The following LRRC38 variants were observed in gnomAD, a reference collection of about 807,000 sequenced individuals.
The protein encoded by LRRC38 is leucine rich repeat containing 38.
A neutral mutation model predicts 16.4 loss-of-function variants in LRRC38; 5 were observed. The observed-to-expected ratio is 0.31, with a 90% CI of 0.16 to 0.64. The LOEUF is 0.64. LRRC38 is among the 30% of genes least tolerant of loss of function. LRRC38 has a pLI of 0.80. For missense variants in LRRC38, 341 were observed against 401.8 expected (o/e 0.85, Z 1.29); for synonymous variants, 191 against 190.2 (o/e 1.00, Z -0.04).
intron 1 of LRRC38, among the ~76,000 whole-genome samples, chr1:13,509,330 T>C (rs938661759): frequency 6.6e-6 from 1 of 152,126 alleles, no homozygotes; most frequent in Admixed American, 6.6e-5. Context: ...GCCTCCCACC[T>C]TGACAGCTGC....
At chr1:13,497,655 T>C (rs1476011592) in intron 1 of LRRC38, among the ~76,000 whole-genome samples, 1 of 151,944 alleles carries the variant, frequency 6.6e-6, no homozygotes, top group Non-Finnish European at 1.5e-5. Flanking sequence ...TAGCTCATGA[T>C]TAATTTTTCC....
rs563051279 is a variant in LRRC38 at position 13,482,332 on chromosome 1, T to C, written c.632-6233A>G. On this transcript the variant is annotated intron_variant, in intron 1 of 1. Coordinates refer to ENST00000376085, the MANE Select transcript of LRRC38 (RefSeq NM_001010847.2). The stretch of plus-strand genomic sequence containing the variant: ...TGGCTCACACCTGTAACCCCAGCAC[T>C]TTGGGAGGCTGAGGCGGGTGGATCG... Among the ~76,000 whole-genome samples, 135 of 152,054 alleles carry C rather than the reference T, an allele frequency of 8.9e-4. 1 individual carries two copies. Among genetic ancestry groups the C allele is most frequent in the African/African-American group, 3.2e-3 (131 of 41,446 alleles).
At chr1:13,481,788 C>CCTCTCTCTCTCTCTCT (rs1198744392) in intron 1 of LRRC38, among the ~76,000 whole-genome samples, 5 of 34,462 alleles carry the variant, frequency 1.5e-4, no homozygotes, top group Non-Finnish European at 2.6e-4. Context: ...TCCCTCTCTC[C>CCTCTCTCTCTCTCTCT]CTCTCTCTCT....
chr1:13,510,703 C>T (rs975475763), intron 1 of LRRC38, among the ~76,000 whole-genome samples: 1 of 152,056 alleles, frequency 6.6e-6, no homozygotes. Context: ...TACCACACGC[C>T]AAGCAAGACG....
chr1:13,477,363 A>C (rs1638801816), intron 1 of LRRC38, among the ~76,000 whole-genome samples: 1 of 152,218 alleles, frequency 6.6e-6, no homozygotes, highest in African/African-American at 2.4e-5. Context: ...CATTTTAGAC[A>C]ATAAATGAAT....
chr1:13,503,044 C>T (rs1012133761), intron 1 of LRRC38, among the ~76,000 whole-genome samples: 2 of 152,144 alleles, frequency 1.3e-5, no homozygotes, highest in Non-Finnish European at 2.9e-5. Flanking sequence ...GGTGGTGGGA[C>T]ATTTGCCACA....
intron 1 of LRRC38, among the ~76,000 whole-genome samples, chr1:13,488,032 T>TTGTG (rs71570140): frequency 0.056 from 8,304 of 147,142 alleles, 751 homozygotes; most frequent in African/African-American, 0.19. Flanking sequence ...TTGTGTGTGT[T>TTGTG]TGTGTGTGTG....
At chr1:13,508,233 T>C (rs566832308) in intron 1 of LRRC38, among the ~76,000 whole-genome samples, 1 of 152,246 alleles carries the variant, frequency 6.6e-6, no homozygotes, top group East Asian at 1.9e-4. Flanking sequence ...CAAGACCCCA[T>C]CTCAAAACAA....
intron 1 of LRRC38, among the ~76,000 whole-genome samples, chr1:13,505,936 C>CCGTCTGGACTGTGGGAGGGAGCT (rs1553121256): frequency 2.0e-5 from 3 of 149,120 alleles, no homozygotes; most frequent in African/African-American, 7.5e-5. Context: ...AAGGAGGGGC[C>CCGTCTGGACTGTGGGAGGGAGCT]CGTCTGGGCT....
intron 1 of LRRC38, among the ~76,000 whole-genome samples, chr1:13,476,678 G>C (rs748860855): frequency 6.6e-6 from 1 of 152,164 alleles, no homozygotes; most frequent in African/African-American, 2.4e-5. Flanking sequence ...GGATGGAAGG[G>C]CATCATTATC....
chr1:13,508,654 A>G (rs934215430), intron 1 of LRRC38, among the ~76,000 whole-genome samples: 1 of 152,236 alleles, frequency 6.6e-6, no homozygotes, highest in African/African-American at 2.4e-5. Flanking sequence ...CCCCAGTCTA[A>G]TAACAGGAGC....
intron 1 of LRRC38, among the ~76,000 whole-genome samples, chr1:13,494,823 C>A (rs368857535): frequency 6.6e-6 from 1 of 152,184 alleles, no homozygotes. Context: ...GGTTACATGA[C>A]CCTACAGTCT....
chr1:13,489,681 G>T (rs959690511), intron 1 of LRRC38, among the ~76,000 whole-genome samples: 2 of 152,182 alleles, frequency 1.3e-5, no homozygotes, highest in African/African-American at 4.8e-5. Flanking sequence ...GGACTGCAGG[G>T]CTTGCTTCTC....
At chr1:13,491,311 T>A (rs571076760) in intron 1 of LRRC38, among the ~76,000 whole-genome samples, 1 of 152,332 alleles carries the variant, frequency 6.6e-6, no homozygotes, top group Non-Finnish European at 1.5e-5. Context: ...GGGTATTTTT[T>A]AAATCCAGTT....
At chr1:13,507,346 A>G (rs901574448) in intron 1 of LRRC38, among the ~76,000 whole-genome samples, 2 of 152,224 alleles carry the variant, frequency 1.3e-5, no homozygotes, top group Non-Finnish European at 2.9e-5. Context: ...CGACTCATCA[A>G]CAGCAGGACA....
intron 1 of LRRC38, among the ~76,000 whole-genome samples, chr1:13,510,206 G>C (rs1241938844): frequency 2.6e-5 from 4 of 152,170 alleles, no homozygotes; most frequent in African/African-American, 9.7e-5. Context: ...GAGGCAGAAG[G>C]CCTGCCTAGA....
At chr1:13,493,822 T>C (rs1639048119) in intron 1 of LRRC38, among the ~76,000 whole-genome samples, 1 of 152,208 alleles carries the variant, frequency 6.6e-6, no homozygotes, top group South Asian at 2.1e-4. Context: ...CCCAGCACTT[T>C]GGGAGGCTGA....
intron 1 of LRRC38, among the ~76,000 whole-genome samples, chr1:13,510,428 T>G (rs1639261591): frequency 1.3e-5 from 2 of 152,246 alleles, no homozygotes; most frequent in African/African-American, 4.8e-5. Flanking sequence ...TAGTATATAC[T>G]GTGAGCCAGG....
chr1:13,480,309 C>T (rs916682007), intron 1 of LRRC38, among the ~76,000 whole-genome samples: 11 of 152,216 alleles, frequency 7.2e-5, no homozygotes, highest in Non-Finnish European at 4.4e-5. Context: ...CACGCCATTG[C>T]ACTCCAGCCT....
Sources: gnomAD v4.1 joint callset for allele counts (sites outside exome capture counted in the v4.1 genomes callset) on GRCh38, gnomAD v4.1.1 for gene constraint, MANE v1.5 for transcripts, NCBI Gene and HGNC (gene_info 2026-07-23, HGNC 2026-07-21) for gene names.